The following SLC47A1 variants were observed in gnomAD, a reference collection of about 807,000 sequenced individuals.
The protein encoded by SLC47A1 is multidrug and toxin extrusion protein 1.
SLC47A1 carries 58 observed loss-of-function variants against 65.8 expected under a neutral mutation model. The ratio of observed to expected loss-of-function variants is 0.88; its 90% CI spans 0.71 to 1.10. SLC47A1 has a LOEUF of 1.10. SLC47A1 is among the 50% of genes least tolerant of loss of function. The pLI is 0.00. For missense variants in SLC47A1, 706 were observed against 719.2 expected, an observed-to-expected ratio of 0.98 and a Z score of 0.21; for synonymous variants, 285 against 295.0, an observed-to-expected ratio of 0.97 and a Z score of 0.35.
chr17:19,539,673 A>G (rs1321205146), intron 1 of SLC47A1, among the ~76,000 whole-genome samples: 1 of 152,050 alleles, frequency 6.6e-6, no homozygotes, highest in Non-Finnish European at 1.5e-5. Flanking sequence ...TTTAGTAGAG[A>G]TGGGGCTTCA....
intron 16 of SLC47A1, among the ~76,000 whole-genome samples, chr17:19,574,962 C>A (rs1162526502): frequency 6.6e-6 from 1 of 152,132 alleles, no homozygotes; most frequent in South Asian, 2.1e-4. Flanking sequence ...TTTTATACTA[C>A]CGCTGTTGGG....
In SLC47A1 at chr17:19,577,482, C is replaced by T. The variant is rs1340857259; in HGVS notation, c.1642C>T (p.Leu548Phe). 17 of 1,614,016 alleles carry T rather than the reference C, an allele frequency of 1.1e-5. 1 individual carries two copies. In the Middle Eastern group the frequency reaches 2.6e-3, roughly 250 times the overall value. The change falls in exon 17 of 17, where the codon CTT becomes TTT. Residue 548 changes from leucine to phenylalanine, a missense_variant. Transcript: ENST00000270570. ...SRKQLVLRRGLLLLGVFLILL... is the reference protein window; with the variant it reads ...SRKQLVLRRGFLLLGVFLILL... ...GAAACAGCTGGTGCTGCGGCGAGGG[C>T]TTCTGCTCCTGGGGGTCTTCTTAAT...
chr17:19,552,733 G>GGCAGGGGATCCTAGACAGAGGT (rs1452453355), intron 6 of SLC47A1, among the ~76,000 whole-genome samples: 60 of 152,340 alleles, frequency 3.9e-4, no homozygotes, highest in African/African-American at 1.2e-3. Flanking sequence ...TGGGAAGGAA[G>GGCAGGGGATCCTAGACAGAGGT]GCAGGGGATC....
At chr17:19,538,404 T>G (rs1597491888) in intron 1 of SLC47A1, among the ~76,000 whole-genome samples, 1 of 152,074 alleles carries the variant, frequency 6.6e-6, no homozygotes, top group Non-Finnish European at 1.5e-5. Context: ...GCACTGCAAG[T>G]CTGAGACTAC....
intron 4 of SLC47A1, among the ~76,000 whole-genome samples, chr17:19,548,522 C>CCAAGTCT (rs1916358482): frequency 7.0e-6 from 1 of 143,788 alleles, no homozygotes; most frequent in African/African-American, 2.6e-5. Context: ...TTTTTTGAGA[C>CCAAGTCT]CAAGTCTCAC....
intron 2 of SLC47A1, among the ~76,000 whole-genome samples, chr17:19,546,084 G>A (rs896656326): frequency 5.3e-5 from 8 of 152,118 alleles, no homozygotes; most frequent in African/African-American, 1.9e-4. Flanking sequence ...GCCGGTCATG[G>A]TAGCGCACTC....
At chr17:19,563,039 T>C (rs1231911479) in intron 12 of SLC47A1, among the ~76,000 whole-genome samples, 2 of 150,922 alleles carry the variant, frequency 1.3e-5, no homozygotes, top group Non-Finnish European at 2.9e-5. Flanking sequence ...AATAAACAGA[T>C]AATTTTCTAG....
At chr17:19,561,993 A>C (rs1321974933) in intron 12 of SLC47A1, among the ~76,000 whole-genome samples, 2 of 152,146 alleles carry the variant, frequency 1.3e-5, no homozygotes, top group Non-Finnish European at 2.9e-5. Flanking sequence ...ATTACTGAAG[A>C]ATTCTTGGAT....
Position 19,555,683 on chromosome 17 carries a change from A to T in SLC47A1, c.732A>T (p.Thr244=), listed in dbSNP as rs777443260. 1 of 1,614,020 alleles carries T rather than the reference A, an allele frequency of 6.2e-7. No homozygotes were observed. Among genetic ancestry groups the T allele is most frequent in the Non-Finnish European group, 8.5e-7 (1 of 1,180,018 alleles). ...TCGGGAAAAAACTGCATCAAGCTAC[A>T]TGGGGAGGTAATGACTGCCCTTTTG... is the stretch of plus-strand genomic sequence containing the variant. ...YILGKKLHQA[T]WGGWSLECLQ... is the part of the protein sequence containing the mutation. The change falls in exon 8 of 17, where the codon ACA becomes ACT. Residue 244 remains threonine, a synonymous_variant. Transcript: ENST00000270570.
chr17:19,573,376 T>C (rs547210774), intron 16 of SLC47A1, among the ~76,000 whole-genome samples: 68 of 152,336 alleles, frequency 4.5e-4, no homozygotes, highest in African/African-American at 1.6e-3. Context: ...TTTAAACACT[T>C]TGACTTCATA....
intron 12 of SLC47A1, among the ~76,000 whole-genome samples, chr17:19,563,890 G>C (rs2084335803): frequency 6.6e-6 from 1 of 152,146 alleles, no homozygotes; most frequent in African/African-American, 2.4e-5. Context: ...TCGGGAGGCT[G>C]AGGCAGGAGA....
In SLC47A1 at chr17:19,542,414, T is replaced by A; in HGVS notation, c.157T>A (p.Phe53Ile). Reference protein sequence around the residue: ...GPAFLVQLMVFLISFISSVFC... With the variant: ...GPAFLVQLMVILISFISSVFC... ...CCAGTTCTTGGTTCAGCTGATGGTGTTCCTGATCAGCTTCATAAGCTCCGT... is the reference window on the plus strand; with the variant it reads ...CCAGTTCTTGGTTCAGCTGATGGTGATCCTGATCAGCTTCATAAGCTCCGT... Residue 53 changes from phenylalanine to isoleucine, a missense_variant, in exon 2 of 17, where the codon TTC becomes ATC. Physicochemically the swap from Phe to Ile is conservative, Grantham distance 21. Coordinates refer to ENST00000270570, the MANE Select transcript of SLC47A1 (RefSeq NM_018242.3). 6.2e-7 allele frequency: 1 copy of A among 1,610,338 alleles called. No individual in the cohort carries two copies. Among genetic ancestry groups the A allele is most frequent in the Non-Finnish European group, 8.5e-7 (1 of 1,178,432 alleles).
At chr17:19,552,944 A>G (rs1275767317) in intron 6 of SLC47A1, among the ~76,000 whole-genome samples, 2 of 152,032 alleles carry the variant, frequency 1.3e-5, no homozygotes, top group Non-Finnish European at 2.9e-5. Context: ...AAGAGGGGAG[A>G]GTTATGGACA....
chr17:19,545,943 CCG>C (rs1371595926), intron 2 of SLC47A1, among the ~76,000 whole-genome samples: 1 of 152,124 alleles, frequency 6.6e-6, no homozygotes, highest in East Asian at 1.9e-4. Context: ...TAGTTCTAGG[CCG>C]CGCGCTGTGG....
At chr17:19,560,979 G>A (rs1006954118) in intron 12 of SLC47A1, among the ~76,000 whole-genome samples, 2 of 151,782 alleles carry the variant, frequency 1.3e-5, no homozygotes, top group East Asian at 2.0e-4. Flanking sequence ...AAAAGAGGCC[G>A]GGCACAGTGG....
intron 4 of SLC47A1, among the ~76,000 whole-genome samples, chr17:19,549,233 C>T (rs1916377560): frequency 6.6e-6 from 1 of 151,964 alleles, no homozygotes; most frequent in Non-Finnish European, 1.5e-5. Flanking sequence ...GAGTCTCGCC[C>T]TGTTGCCCAG....
intron 6 of SLC47A1, among the ~76,000 whole-genome samples, chr17:19,553,903 T>C (rs1370125962): frequency 6.6e-6 from 1 of 152,182 alleles, no homozygotes; most frequent in African/African-American, 2.4e-5. Flanking sequence ...CCTGTCTCCA[T>C]CCACTGCCAT....
chr17:19,554,254 G>A (rs1349254031), intron 6 of SLC47A1, among the ~76,000 whole-genome samples: 1 of 152,196 alleles, frequency 6.6e-6, no homozygotes, highest in Non-Finnish European at 1.5e-5. Context: ...TCAGGCCTGG[G>A]CTGTGACGTG....
At chr17:19,554,417 C>T (rs1000156855) in intron 6 of SLC47A1, among the ~76,000 whole-genome samples, 8 of 152,162 alleles carry the variant, frequency 5.3e-5, no homozygotes, top group East Asian at 1.9e-4. Context: ...TGAGCCTCCA[C>T]GCGAGAGTGG....
Sources: allele counts gnomAD v4.1 joint callset (sites outside exome capture counted in the v4.1 genomes callset), GRCh38; gene constraint gnomAD v4.1.1; transcripts MANE v1.5; gene names NCBI Gene and HGNC (gene_info 2026-07-23, HGNC 2026-07-21).